DGKD: variants seen among roughly 807,000 people sequenced by gnomAD.
DGKD encodes the protein DAG kinase delta.
Under a neutral mutation model 154.4 loss-of-function variants are expected in DGKD, and 68 were observed. The ratio of observed to expected loss-of-function variants is 0.44; its 90% CI spans 0.36 to 0.54. The LOEUF (loss-of-function observed/expected upper bound fraction) is 0.54. Among genes scored for constraint, DGKD ranks in the 20% least tolerant of loss-of-function variants. DGKD has a pLI of 0.00. For synonymous variants in DGKD, 693 were observed against 638.0 expected, an observed-to-expected ratio of 1.09 and a Z score of -1.30; for missense variants, 1,343 against 1,593.6, an observed-to-expected ratio of 0.84 and a Z score of 2.68.
chr2:233,377,146 G>C (rs920620110), intron 1 of DGKD, among the ~76,000 whole-genome samples: 6 of 142,624 alleles, frequency 4.2e-5, no homozygotes, highest in Non-Finnish European at 7.5e-5. Context: ...GCAATGGCAC[G>C]ATCTCGGCTC....
chr2:233,361,866 G>A (rs965527391), intron 1 of DGKD, among the ~76,000 whole-genome samples: 6 of 152,084 alleles, frequency 3.9e-5, no homozygotes, highest in African/African-American at 1.4e-4. Context: ...CATGATCTCA[G>A]CTCACTACAA....
At chr2:233,436,648 C>T (rs2062706924) in intron 7 of DGKD, among the ~76,000 whole-genome samples, 1 of 152,252 alleles carries the variant, frequency 6.6e-6, no homozygotes, top group South Asian at 2.1e-4. Flanking sequence ...TTATTCCTGT[C>T]TTTAGACATA....
At chr2:233,418,330 GTAA>G (rs571903764) in intron 3 of DGKD, among the ~76,000 whole-genome samples, 31 of 152,310 alleles carry the variant, frequency 2.0e-4, no homozygotes, top group African/African-American at 5.5e-4. Flanking sequence ...CCTTTCATGG[GTAA>G]TAATATTCCC....
chr2:233,411,104 A>C (rs2061818396), intron 3 of DGKD, among the ~76,000 whole-genome samples: 1 of 152,098 alleles, frequency 6.6e-6, no homozygotes, highest in Non-Finnish European at 1.5e-5. Context: ...ATTGGTGGGC[A>C]TTTAGGTAGT....
intron 3 of DGKD, chr2:233,429,381 TC>T: frequency 1.1e-6 from 1 of 948,218 alleles, no homozygotes; most frequent in South Asian, 4.9e-5. Flanking sequence ...GGTGAACAGT[TC>T]GGGACGTGTG....
rs2062835070 is a variant in DGKD, at chr2:233,440,043, A to C, written c.1085+1664A>C. Among the ~76,000 whole-genome samples the C allele has an allele frequency of 6.6e-6, 1 of 152,184 alleles. No individual in the cohort carries two copies. The highest frequency in any genetic ancestry group is 1.5e-5 in the Non-Finnish European group (1 of 68,026). On this transcript the variant is annotated intron_variant, in intron 9 of 29. Transcript: ENST00000264057. The surrounding 1 kb of genome is among the most constrained non-coding windows in gnomAD (Gnocchi z 4.9). ...AGGGCAGGTTACACAGCTGAACTCG[A>C]GAATAACGAAATATTCATTTTGGTG...
intron 1 of DGKD, among the ~76,000 whole-genome samples, chr2:233,384,711 C>A (rs1283324194): frequency 6.6e-6 from 1 of 152,158 alleles, no homozygotes; most frequent in Non-Finnish European, 1.5e-5. Context: ...CATCAGCTCC[C>A]CCCTTATGCG....
At chr2:233,365,524 C>T (rs929569210) in intron 1 of DGKD, among the ~76,000 whole-genome samples, 5 of 152,106 alleles carry the variant, frequency 3.3e-5, no homozygotes, top group Admixed American at 3.3e-4. Context: ...GGATTACAGG[C>T]GTGAGCCACT....
At position 233,451,907 on chromosome 2, in the gene DGKD, T is replaced by C. The variant is rs530378337; in HGVS notation, c.2168-57T>C. On this transcript the variant is annotated intron_variant, in intron 17 of 29. Coordinates refer to ENST00000264057, the MANE Select transcript of DGKD (RefSeq NM_152879.3). Reference sequence around the variant, plus strand: ...TCCACCAGCTTCAGAGACACGAGCTTCTCCTAAGGCTGTAGCTCCTGACCA... The same window carrying C: ...TCCACCAGCTTCAGAGACACGAGCTCCTCCTAAGGCTGTAGCTCCTGACCA... 423 of 1,430,296 alleles carry C rather than the reference T, an allele frequency of 3.0e-4. 1 individual carries two copies. Among genetic ancestry groups the C allele is most frequent in the Non-Finnish European group, 3.9e-4 (397 of 1,016,392 alleles). The allele number at this position is 1,430,296 out of a possible 1,614,324, so 88.6% of individuals were successfully genotyped here.
At chr2:233,376,463 A>G (rs969836381) in intron 1 of DGKD, among the ~76,000 whole-genome samples, 2 of 152,170 alleles carry the variant, frequency 1.3e-5, no homozygotes, top group African/African-American at 2.4e-5. Context: ...TACAGATTCT[A>G]CATAAGCTCC....
In DGKD at chr2:233,452,651, A is replaced by G. The variant is rs1039015310; in HGVS notation, c.2264+591A>G. ...CTGATACTGCTACTCCTTGGGGGAC[A>G]AGGCCTTCTTCCTCTGCTGGCCTGT... On this transcript the variant is annotated intron_variant, in intron 18 of 29. Transcript: ENST00000264057. The surrounding 1 kb of genome is among the most constrained non-coding windows in gnomAD (Gnocchi z 4.0). Among the ~76,000 whole-genome samples, 2 of 152,136 alleles carry G rather than the reference A, an allele frequency of 1.3e-5. No homozygotes were observed. The highest frequency in any genetic ancestry group is 2.9e-5 in the Non-Finnish European group (2 of 68,016).
At chr2:233,439,395 G>A (rs904959486) in intron 9 of DGKD, among the ~76,000 whole-genome samples, 35 of 152,190 alleles carry the variant, frequency 2.3e-4, no homozygotes, top group Non-Finnish European at 4.9e-4. Context: ...TGTCTTCTGT[G>A]TTGCTCATCC....
intron 14 of DGKD, 111 bp from the exon 15 acceptor site, chr2:233,448,992 T>G: frequency 7.3e-7 from 1 of 1,367,390 alleles, no homozygotes; most frequent in Non-Finnish European, 9.8e-7. Flanking sequence ...GAGTTAGGAT[T>G]TTCCTTTTGA....
rs541667966 is a variant in DGKD, at chr2:233,362,310, T to C, written c.156+7636T>C. On this transcript the variant is annotated intron_variant, in intron 1 of 29. Transcript: ENST00000264057. Reference sequence around the variant, plus strand: ...AGAAGGTCTTACTTGTGTTTAATTGTCACAAGAGAGGAGAAGTGAGAGAAA... The same window carrying C: ...AGAAGGTCTTACTTGTGTTTAATTGCCACAAGAGAGGAGAAGTGAGAGAAA... Among the ~76,000 whole-genome samples the C allele has an allele frequency of 4.6e-5, 7 of 152,238 alleles. No individual in the cohort carries two copies. The East Asian group carries it at 1.2e-3, about 25-fold the overall frequency.
Position 233,457,087 on chromosome 2 carries a change from A to C in DGKD, c.2472+92A>C. The C allele has an allele frequency of 7.5e-7, 1 of 1,338,768 alleles. No homozygotes were observed. The highest frequency in any genetic ancestry group is 1.1e-6 in the Non-Finnish European group (1 of 933,194). 82.9% of individuals were successfully genotyped at this position (1,338,768 alleles called of 1,614,324 possible). On this transcript the variant is annotated intron_variant, in intron 20 of 29. Coordinates refer to ENST00000264057, the MANE Select transcript of DGKD (RefSeq NM_152879.3). This position sits in a 1 kb window ranked among gnomAD's most constrained non-coding sequence, Gnocchi z 5.5. The stretch of plus-strand genomic sequence containing the variant: ...GCTTCTCCTGTTGACCATTTCCTCC[A>C]TGCACAGGGACTTGCCTGGGGATGC...
Position 233,449,451 on chromosome 2 carries a change from G to A in DGKD, c.1888+75G>A. 1 of 1,504,032 alleles carries A rather than the reference G, an allele frequency of 6.6e-7. No homozygotes were observed. The highest frequency in any genetic ancestry group is 8.9e-7 in the Non-Finnish European group (1 of 1,122,164). The allele number at this position is 1,504,032 out of a possible 1,614,324, so 93.2% of individuals were successfully genotyped here. A position where few individuals can be genotyped will look rare whatever the true frequency, so the allele number is the denominator to read the frequency against. On this transcript the variant is annotated intron_variant, in intron 15 of 29. Coordinates refer to ENST00000264057, the MANE Select transcript of DGKD (RefSeq NM_152879.3). This position sits in a 1 kb window ranked among gnomAD's most constrained non-coding sequence, Gnocchi z 5.3. ...ATGCCCAGCGTCCCCTGAACACGGA[G>A]ATGACAGAAGGGTGCATGTTGAGAA...
At position 233,450,913 on chromosome 2, in the gene DGKD, T is replaced by G. The variant is rs773874376; in HGVS notation, c.2039-9T>G. 4.4e-6 allele frequency: 7 copies of G among 1,597,186 alleles called. No individual in the cohort carries two copies. In the East Asian group the frequency reaches 1.4e-4, roughly 31 times the overall value. ...CACAGCTGTAAGGTTTTCTGCTGTG[T>G]TGTTACAGTGTCGAAATCTCCGTGT... On this transcript the variant is annotated splice_polypyrimidine_tract_variant and intron_variant, in intron 16 of 29. Transcript: ENST00000264057.
intron 3 of DGKD, chr2:233,419,346 T>A: frequency 1.0e-6 from 1 of 985,506 alleles, no homozygotes; most frequent in East Asian, 1.1e-4. Context: ...ACACCCAGTT[T>A]TTGTTTGTGC....
intron 1 of DGKD, among the ~76,000 whole-genome samples, chr2:233,370,079 G>A (rs951266681): frequency 6.6e-6 from 1 of 151,904 alleles, no homozygotes; most frequent in Non-Finnish European, 1.5e-5. Flanking sequence ...TATCTAGTTT[G>A]GGAACTTCTG....
Sources: allele counts gnomAD v4.1 joint callset (sites outside exome capture counted in the v4.1 genomes callset), GRCh38; gene constraint gnomAD v4.1.1; non-coding constraint Gnocchi (gnomAD v3.1); transcripts MANE v1.5; gene names NCBI Gene and HGNC (gene_info 2026-07-23, HGNC 2026-07-21).